Variants in NDE1 observed in about 807,000 individuals in gnomAD.
NDE1 encodes the protein nudE neurodevelopment protein 1, also known as nuclear distribution protein nudE homolog 1.
Under a neutral mutation model 43.4 loss-of-function variants are expected in NDE1, and 28 were observed. The ratio of observed to expected loss-of-function variants is 0.65; its 90% CI spans 0.48 to 0.89. The LOEUF is 0.89. Ranked by LOEUF, NDE1 falls within the 40% of genes least tolerant of loss-of-function variation. The pLI, the probability that NDE1 is intolerant of heterozygous loss-of-function variation, is 0.00. For synonymous variants in NDE1, 184 were observed against 172.0 expected (o/e 1.07, Z -0.55); for missense variants, 441 against 434.1 (o/e 1.02, Z -0.14).
At chr16:15,648,872 T>C (rs2151381772), upstream of NDE1, among the ~76,000 whole-genome samples, 1 of 152,226 alleles carries the variant, frequency 6.6e-6, no homozygotes, top group East Asian at 1.9e-4. Context: ...GCTGTGAGAA[T>C]TGTGCCTGGC....
chr16:15,657,580 A>G (rs958084440), intron 1 of NDE1, among the ~76,000 whole-genome samples: 1 of 152,012 alleles, frequency 6.6e-6, no homozygotes, highest in African/African-American at 2.4e-5. Flanking sequence ...AATGACTGCT[A>G]TTAACACTCT....
rs1277568380 is a variant in NDE1, at chr16:15,720,369, T to C, written c.948-3822T>C. 5.7e-6 allele frequency: 9 copies of C among 1,573,180 alleles called. No individual in the cohort carries two copies. In the African/African-American group the frequency reaches 9.5e-5, roughly 17 times the overall value. On this transcript the variant is annotated intron_variant, in intron 8 of 8. Coordinates refer to ENST00000396354, the MANE Select transcript of NDE1 (RefSeq NM_017668.3). ...ACTTGCCCCTGGGAGGTCCTTTGGC[T>C]CACCTAGGCAGCACATCACTGCACC...
chr16:15,700,733 G>A (rs576221303), intron 8 of NDE1, among the ~76,000 whole-genome samples: 1 of 152,110 alleles, frequency 6.6e-6, no homozygotes, highest in African/African-American at 2.4e-5. Context: ...TTACAGGCCT[G>A]AGCCACCGTG....
rs972078880 is a variant in NDE1, at chr16:15,725,193, A to G, written c.*942A>G. The G allele has an allele frequency of 1.6e-6, 1 of 621,278 alleles. No individual in the cohort carries two copies. The highest frequency in any genetic ancestry group is 2.8e-6 in the Non-Finnish European group (1 of 354,154). 38.5% of individuals were successfully genotyped at this position (621,278 alleles called of 1,614,324 possible). ...AAACAGAATCTGTGGCTTGAAGGGA[A>G]CTCCGTCACCTATGAGTTGGGACCC... is the stretch of plus-strand genomic sequence containing the variant. On this transcript the variant is annotated 3_prime_UTR_variant, in exon 9 of 9. Transcript: ENST00000396354.
Position 15,721,805 on chromosome 16 carries a change from A to C in NDE1, c.948-2386A>C, listed in dbSNP as rs563206634. ...ATAATCATCTGGCGTTCTGACTTCT[A>C]CATCAACCTTATGCAGAGCCAGAAA... On this transcript the variant is annotated intron_variant, in intron 8 of 8. Coordinates refer to ENST00000396354, the MANE Select transcript of NDE1 (RefSeq NM_017668.3). 265 of 680,096 alleles carry C rather than the reference A, an allele frequency of 3.9e-4. 5 individuals are homozygous for C. The highest frequency in any genetic ancestry group is 3.9e-3 in the South Asian group (220 of 57,084). The allele number at this position is 680,096 out of a possible 1,614,324, so 42.1% of individuals were successfully genotyped here. A position where few individuals can be genotyped will look rare whatever the true frequency, so the allele number is the denominator to read the frequency against.
intron 3 of NDE1, among the ~76,000 whole-genome samples, chr16:15,669,360 ATTT>A (rs1187758200): frequency 7.2e-5 from 9 of 125,530 alleles, no homozygotes; most frequent in East Asian, 2.3e-4. Context: ...CGCCTGGCTA[ATTT>A]TTTTTTTTTT....
At position 15,703,752 on chromosome 16, in the gene NDE1, C is replaced by G. The variant is rs1567667986; in HGVS notation, c.947+6892C>G. ...CACAGGTGTGTACCACCACGCCCAG[C>G]TTATTTTTAAATTCTTGTATAGATG... On this transcript the variant is annotated intron_variant, in intron 8 of 8. Coordinates refer to ENST00000396354, the MANE Select transcript of NDE1 (RefSeq NM_017668.3). 4 of 551,882 alleles carry G rather than the reference C, an allele frequency of 7.2e-6. No individual in the cohort carries two copies. In the Admixed American group the frequency reaches 1.2e-4, roughly 16 times the overall value. 34.2% of individuals were successfully genotyped at this position (551,882 alleles called of 1,614,324 possible). A position where few individuals can be genotyped will look rare whatever the true frequency, so the allele number is the denominator to read the frequency against.
At chr16:15,721,811 A>G (rs2040500891) in intron 8 of NDE1, 2 of 655,052 alleles carry the variant, frequency 3.1e-6, no homozygotes, top group East Asian at 5.5e-5. Flanking sequence ...TTCTACATCA[A>G]CCTTATGCAG....
At chr16:15,718,285 G>T (rs778120108) in intron 8 of NDE1, 2 of 1,606,422 alleles carry the variant, frequency 1.2e-6, no homozygotes, top group African/African-American at 2.7e-5. Flanking sequence ...ACAGTAGGCA[G>T]CGTGACTGTG....
In NDE1 at chr16:15,724,959, C is replaced by T. The variant is rs780157741; in HGVS notation, c.*708C>T. 6.8e-6 allele frequency: 11 copies of T among 1,613,980 alleles called. No homozygotes were observed. Among genetic ancestry groups the T allele is most frequent in the South Asian group, 3.3e-5 (3 of 91,082 alleles). On this transcript the variant is annotated 3_prime_UTR_variant, in exon 9 of 9. Transcript: ENST00000396354. The stretch of plus-strand genomic sequence containing the variant: ...AGCTTAATGGCCTTCCCCTCGGCCT[C>T]GTTAAGCATCCCTGTGACGCTCTCA...
Position 15,699,531 on chromosome 16 carries a change from T to G in NDE1, c.947+2671T>G, listed in dbSNP as rs2151150971. 11 of 1,184,460 alleles carry G rather than the reference T, an allele frequency of 9.3e-6. No homozygotes were observed. In the South Asian group the frequency reaches 1.6e-4, roughly 17 times the overall value. The allele number at this position is 1,184,460 out of a possible 1,614,324, so 73.4% of individuals were successfully genotyped here. ...TGGATTTTTCTAGTGGGTCTGAGAC[T>G]GGGCGTTTTGTGTGACCTTGGAATC... On this transcript the variant is annotated intron_variant, in intron 8 of 8. Transcript: ENST00000396354.
chr16:15,703,695 C>G (rs2151159111), intron 8 of NDE1: 1 of 459,414 alleles, frequency 2.2e-6, no homozygotes, highest in East Asian at 3.9e-5. Flanking sequence ...CTGGAGCGTT[C>G]TTCCTGGCTC....
chr16:15,703,673 C>T (rs568716913), intron 8 of NDE1: 4 of 444,278 alleles, frequency 9.0e-6, no homozygotes, highest in Non-Finnish European at 1.7e-5. Context: ...ATTGCAGCCT[C>T]GAAGTCCTGG....
At chr16:15,712,976 C>G (rs1161466868) in intron 8 of NDE1, 1 of 149,682 alleles carries the variant, frequency 6.7e-6, no homozygotes, top group African/African-American at 2.5e-5. Context: ...GCCTCAGCCT[C>G]CTGAGTAGCT....
At chr16:15,689,313 T>C (rs1056042153) in intron 5 of NDE1, among the ~76,000 whole-genome samples, 1 of 151,950 alleles carries the variant, frequency 6.6e-6, no homozygotes, top group Admixed American at 6.6e-5. Context: ...AACATAGTGA[T>C]ACCCCATCTC....
intron 8 of NDE1, among the ~76,000 whole-genome samples, chr16:15,709,757 C>G (rs2039673132): frequency 6.6e-6 from 1 of 152,190 alleles, no homozygotes; most frequent in Non-Finnish European, 1.5e-5. Context: ...GGAACAGAAG[C>G]CAAGAAGTCC....
At chr16:15,671,108 T>C (rs1236470180) in intron 3 of NDE1, among the ~76,000 whole-genome samples, 1 of 152,156 alleles carries the variant, frequency 6.6e-6, no homozygotes, top group Non-Finnish European at 1.5e-5. Context: ...TACCTGTGTA[T>C]CCACCACCAC....
chr16:15,677,999 T>G, intron 4 of NDE1, 50 bp downstream of exon 4: 1 of 1,609,888 alleles, frequency 6.2e-7, no homozygotes, highest in Admixed American at 1.7e-5. Context: ...TCTCTGCTTT[T>G]TGTCCCCAGC....
At chr16:15,716,500 CT>C (rs1160590928) in intron 8 of NDE1, among the ~76,000 whole-genome samples, 8 of 151,864 alleles carry the variant, frequency 5.3e-5, no homozygotes. Context: ...GCCGGTTGGA[CT>C]TTTGTTTTTT....
Sources: gnomAD v4.1 joint callset for allele counts (sites outside exome capture counted in the v4.1 genomes callset) on GRCh38, gnomAD v4.1.1 for gene constraint, MANE v1.5 for transcripts, NCBI Gene and HGNC (gene_info 2026-07-23, HGNC 2026-07-21) for gene names.